Variants in HCN1 observed in about 807,000 individuals in gnomAD.
The protein encoded by HCN1 is hyperpolarization activated cyclic nucleotide gated potassium channel 1.
In HCN1, 13 loss-of-function variants were observed where a neutral mutation model predicts 78.9. That is an observed-to-expected ratio of 0.16 (90% CI 0.11 to 0.26). The LOEUF is 0.26. Ranked by LOEUF, HCN1 falls within the 10% of genes least tolerant of loss-of-function variation. The probability of loss-of-function intolerance (pLI) is 1.00; values close to 1 mark genes in which losing one functional copy is unlikely to be tolerated. For missense variants in HCN1, 810 were observed against 1,154.3 expected (o/e 0.70, Z 4.32); for synonymous variants, 552 against 455.5 (o/e 1.21, Z -2.70).
rs530532367 is a variant in HCN1, at chr5:45,347,709, G to A, written c.1377+5391C>T. Among the ~76,000 whole-genome samples, 324 of 152,212 alleles carry A rather than the reference G, an allele frequency of 2.1e-3. 2 individuals carry two copies. Among genetic ancestry groups the A allele is most frequent in the African/African-American group, 7.2e-3 (299 of 41,550 alleles). ...CTGAAAGCCAAGGCTCGAGAACTAC[G>A]TGAAGAATGCAGAAGCCTCAGGAGC... On this transcript the variant is annotated intron_variant, in intron 5 of 7. Coordinates refer to ENST00000303230, the MANE Select transcript of HCN1 (RefSeq NM_021072.4).
At chr5:45,690,040 C>A (rs1347146298) in intron 1 of HCN1, among the ~76,000 whole-genome samples, 1 of 152,034 alleles carries the variant, frequency 6.6e-6, no homozygotes, top group Non-Finnish European at 1.5e-5. Flanking sequence ...ATTCCCTGAA[C>A]TTTAGCCAAA....
intron 3 of HCN1, among the ~76,000 whole-genome samples, chr5:45,405,075 C>G (rs1739894614): frequency 6.6e-6 from 1 of 152,012 alleles, no homozygotes; most frequent in Non-Finnish European, 1.5e-5. Context: ...ATTAGAAAGC[C>G]ATGAGTAGAG....
intron 2 of HCN1, among the ~76,000 whole-genome samples, chr5:45,497,227 G>A: frequency 6.6e-6 from 1 of 152,130 alleles, no homozygotes; most frequent in Middle Eastern, 3.2e-3. Context: ...TCCACTTGGT[G>A]CAGAGCTGAG....
intron 3 of HCN1, among the ~76,000 whole-genome samples, chr5:45,430,562 C>T (rs758995503): frequency 1.3e-4 from 20 of 152,114 alleles, no homozygotes; most frequent in Non-Finnish European, 1.8e-4. Flanking sequence ...TCTCTTCCTA[C>T]ATTAGTTAAC....
At chr5:45,393,152 G>T (rs1229766477) in intron 4 of HCN1, among the ~76,000 whole-genome samples, 3 of 152,112 alleles carry the variant, frequency 2.0e-5, no homozygotes, top group African/African-American at 7.2e-5. Context: ...TCAAGTTGGT[G>T]ATATTCGTAT....
intron 2 of HCN1, among the ~76,000 whole-genome samples, chr5:45,525,405 G>T (rs970274682): frequency 1.3e-4 from 19 of 151,494 alleles, no homozygotes; most frequent in African/African-American, 4.6e-4. Flanking sequence ...AGAAAAACTG[G>T]GTAACATTTT....
chr5:45,371,196 AC>A (rs776412177), intron 4 of HCN1, among the ~76,000 whole-genome samples: 56 of 152,160 alleles, frequency 3.7e-4, no homozygotes, highest in Middle Eastern at 6.8e-3. Context: ...CAAATTAATA[AC>A]CTAAAATCAC....
intron 5 of HCN1, among the ~76,000 whole-genome samples, chr5:45,314,352 C>T (rs1579802788): frequency 2.0e-5 from 3 of 152,270 alleles, no homozygotes; most frequent in Middle Eastern, 6.8e-3. Flanking sequence ...TACAAGAGAT[C>T]CTGAAAGAAG....
chr5:45,357,011 G>A (rs1201143538), intron 4 of HCN1, among the ~76,000 whole-genome samples: 1 of 151,890 alleles, frequency 6.6e-6, no homozygotes, highest in Non-Finnish European at 1.5e-5. Context: ...TATTTCTTGG[G>A]TAATTAGCCT....
intron 5 of HCN1, among the ~76,000 whole-genome samples, chr5:45,350,361 G>T (rs938951868): frequency 7.9e-5 from 12 of 152,136 alleles, no homozygotes; most frequent in Non-Finnish European, 1.8e-4. Context: ...ATTAGGTATT[G>T]ATGGGGCGTA....
rs138076748 is a variant in HCN1 at position 45,312,309 on chromosome 5, C to T, written c.1378-8470G>A. On this transcript the variant is annotated intron_variant, in intron 5 of 7. Transcript: ENST00000303230. ...ACAGCATAATACAAGAATGAAACAG[C>T]AATAAAGAATCTTGTTATTTGTTCT... Among the ~76,000 whole-genome samples the T allele has an allele frequency of 3.0e-3, 450 of 152,260 alleles. 2 individuals carry two copies. The highest frequency in any genetic ancestry group is 0.01 in the African/African-American group (426 of 41,556).
intron 2 of HCN1, among the ~76,000 whole-genome samples, chr5:45,574,125 T>C (rs189754599): frequency 8.3e-4 from 126 of 152,258 alleles, no homozygotes; most frequent in African/African-American, 3.0e-3. Context: ...ATATAGCTAT[T>C]AAATTTGGAA....
At chr5:45,283,421 T>A (rs1055846125) in intron 6 of HCN1, among the ~76,000 whole-genome samples, 2 of 152,064 alleles carry the variant, frequency 1.3e-5, no homozygotes, top group African/African-American at 4.8e-5. Context: ...CCAGCACCTA[T>A]AAGGAACTTA....
chr5:45,435,742 C>T (rs976729958), intron 3 of HCN1, among the ~76,000 whole-genome samples: 1 of 152,088 alleles, frequency 6.6e-6, no homozygotes, highest in Non-Finnish European at 1.5e-5. Flanking sequence ...TTCTCAATGA[C>T]ATTTTCTTCT....
chr5:45,378,276 G>C (rs780199827), intron 4 of HCN1, among the ~76,000 whole-genome samples: 1 of 151,926 alleles, frequency 6.6e-6, no homozygotes, highest in African/African-American at 2.4e-5. Flanking sequence ...ATGTTTTGTT[G>C]TTCTTCAGTT....
At chr5:45,277,207 C>A (rs1428562259) in intron 6 of HCN1, among the ~76,000 whole-genome samples, 1 of 152,118 alleles carries the variant, frequency 6.6e-6, no homozygotes, top group Non-Finnish European at 1.5e-5. Context: ...CTTTCTCCAA[C>A]AGGTAAATTT....
At chr5:45,507,687 A>G (rs1169671002) in intron 2 of HCN1, among the ~76,000 whole-genome samples, 1 of 152,208 alleles carries the variant, frequency 6.6e-6, no homozygotes, top group Non-Finnish European at 1.5e-5. Flanking sequence ...GATTACACGA[A>G]TATCAAATTA....
chr5:45,570,558 G>A (rs182987008), intron 2 of HCN1, among the ~76,000 whole-genome samples: 3 of 152,164 alleles, frequency 2.0e-5, no homozygotes, highest in East Asian at 3.9e-4. Context: ...ACGCAGAATC[G>A]GGAGCTAAAT....
rs1744671400 is a variant in HCN1 at position 45,258,708 on chromosome 5, G to T, written c.*3213C>A. 1 of 151,506 alleles carries T rather than the reference G, an allele frequency of 6.6e-6. No homozygotes were observed. Among genetic ancestry groups the T allele is most frequent in the Admixed American group, 6.6e-5 (1 of 15,202 alleles). 9.4% of individuals were successfully genotyped at this position (151,506 alleles called of 1,614,324 possible). A position where few individuals can be genotyped will look rare whatever the true frequency, so the allele number is the denominator to read the frequency against. On this transcript the variant is annotated 3_prime_UTR_variant, in exon 8 of 8. Coordinates refer to ENST00000303230, the MANE Select transcript of HCN1 (RefSeq NM_021072.4). ...CCTATTTTGTTATAATAGGGCCTTG[G>T]GCCTACTATACAAACCTATTTTGTT...
Sources: allele counts gnomAD v4.1 joint callset (sites outside exome capture counted in the v4.1 genomes callset), GRCh38; gene constraint gnomAD v4.1.1; transcripts MANE v1.5; gene names NCBI Gene and HGNC (gene_info 2026-07-23, HGNC 2026-07-21).